The following DPP10 variants were observed in gnomAD, a reference collection of about 807,000 sequenced individuals.
DPP10 encodes inactive dipeptidyl peptidase 10.
Under a neutral mutation model 120.9 loss-of-function variants are expected in DPP10, and 33 were observed. The ratio of observed to expected loss-of-function variants is 0.27; its 90% CI spans 0.21 to 0.37. DPP10 has a LOEUF of 0.37. Ranked by LOEUF, DPP10 falls within the 10% of genes least tolerant of loss-of-function variation. DPP10 has a pLI of 1.00. For synonymous variants in DPP10, 337 were observed against 326.1 expected (o/e 1.03, Z -0.36); for missense variants, 816 against 942.8 (o/e 0.87, Z 1.76).
At position 114,895,853 on chromosome 2, in the gene DPP10, G is replaced by A. The variant is rs370221669; in HGVS notation, c.61-413386G>A. On this transcript the variant is annotated intron_variant, in intron 1 of 25. Transcript: ENST00000410059. ...ATCTCTGAATTTTCTTTTCTTTGCT[G>A]TAAAACTCCTATTATAAAAGTTGTA... Among the ~76,000 whole-genome samples, 39 of 152,210 alleles carry A rather than the reference G, an allele frequency of 2.6e-4. 1 individual carries two copies. The East Asian group carries it at 6.8e-3, about 26-fold the overall frequency.
intron 1 of DPP10, among the ~76,000 whole-genome samples, chr2:114,532,294 T>TACACACACACACAC (rs1445405855): frequency 1.5e-5 from 1 of 65,932 alleles, no homozygotes; most frequent in African/African-American, 6.3e-5. Flanking sequence ...TATATATATA[T>TACACACACACACAC]ATACACACAC....
intron 3 of DPP10, among the ~76,000 whole-genome samples, chr2:115,488,869 T>A (rs1271009698): frequency 1.6e-5 from 1 of 62,616 alleles, no homozygotes; most frequent in Non-Finnish European, 3.7e-5. Flanking sequence ...ACCCTAAAAC[T>A]TAGAGTATAA....
intron 1 of DPP10, among the ~76,000 whole-genome samples, chr2:114,936,164 C>G (rs115389278): frequency 6.6e-6 from 1 of 151,930 alleles, no homozygotes; most frequent in Non-Finnish European, 1.5e-5. Flanking sequence ...CCCAAGTCCC[C>G]GAAGTCCATT....
chr2:115,121,862 G>A (rs1417436142), intron 1 of DPP10, among the ~76,000 whole-genome samples: 2 of 152,182 alleles, frequency 1.3e-5, no homozygotes, highest in Non-Finnish European at 2.9e-5. Flanking sequence ...ACTGGGTCCT[G>A]AGGCTGACTT....
chr2:115,527,117 T>A (rs994500282), intron 5 of DPP10, among the ~76,000 whole-genome samples: 1 of 152,066 alleles, frequency 6.6e-6, no homozygotes, highest in Non-Finnish European at 1.5e-5. Context: ...CATGAACTTT[T>A]AAAAAATCAG....
At chr2:114,630,356 G>A (rs964812793) in intron 1 of DPP10, among the ~76,000 whole-genome samples, 1 of 152,074 alleles carries the variant, frequency 6.6e-6, no homozygotes, top group African/African-American at 2.4e-5. Flanking sequence ...TTTTTATTCT[G>A]TCCAGTTCAG....
chr2:114,561,090 C>T (rs922832059), intron 1 of DPP10, among the ~76,000 whole-genome samples: 2 of 152,144 alleles, frequency 1.3e-5, no homozygotes, highest in Admixed American at 6.5e-5. Flanking sequence ...CCCTCCACAC[C>T]AGCTCCGTCC....
At chr2:115,187,049 T>A (rs925471530) in intron 1 of DPP10, among the ~76,000 whole-genome samples, 6 of 118,442 alleles carry the variant, frequency 5.1e-5, no homozygotes, top group African/African-American at 1.9e-4. Context: ...TTTTTTTTTT[T>A]TTTTTTGAGA....
intron 1 of DPP10, among the ~76,000 whole-genome samples, chr2:115,285,967 C>G (rs1347227639): frequency 6.6e-6 from 1 of 151,970 alleles, no homozygotes; most frequent in East Asian, 1.9e-4. Flanking sequence ...TTTATGCATG[C>G]TGTAGTTAGG....
At chr2:115,576,544 G>C (rs764451338) in intron 5 of DPP10, among the ~76,000 whole-genome samples, 1 of 152,098 alleles carries the variant, frequency 6.6e-6, no homozygotes, top group Non-Finnish European at 1.5e-5. Context: ...TGAAATGTAG[G>C]GACTCCAGTT....
chr2:114,539,399 A>T (rs1686778061), intron 1 of DPP10, among the ~76,000 whole-genome samples: 1 of 152,012 alleles, frequency 6.6e-6, no homozygotes, highest in Non-Finnish European at 1.5e-5. Flanking sequence ...CCTTCCTATC[A>T]TCTTAAGATA....
At chr2:115,573,537 C>T (rs562928864) in intron 5 of DPP10, among the ~76,000 whole-genome samples, 144 of 150,760 alleles carry the variant, frequency 9.6e-4, no homozygotes, top group African/African-American at 3.4e-3. Flanking sequence ...CCACCTCGGC[C>T]TCCCAAAGTT....
intron 5 of DPP10, among the ~76,000 whole-genome samples, chr2:115,529,243 C>T (rs2078317058): frequency 6.6e-6 from 1 of 151,840 alleles, no homozygotes; most frequent in African/African-American, 2.4e-5. Context: ...GATCTCTGCT[C>T]ACTGCAACCT....
At chr2:115,145,033 GA>G (rs1285759752) in intron 1 of DPP10, 1 of 151,820 alleles carries the variant, frequency 6.6e-6, no homozygotes, top group African/African-American at 2.4e-5. Context: ...CATCCCTGAG[GA>G]AACAGGAAGA....
At chr2:115,492,097 A>G (rs921039221) in intron 3 of DPP10, among the ~76,000 whole-genome samples, 2 of 152,146 alleles carry the variant, frequency 1.3e-5, no homozygotes, top group Admixed American at 6.6e-5. Context: ...GTACATATAT[A>G]TATATGATCG....
chr2:115,385,499 G>A (rs1198797721), intron 3 of DPP10, among the ~76,000 whole-genome samples: 1 of 152,046 alleles, frequency 6.6e-6, no homozygotes, highest in Non-Finnish European at 1.5e-5. Flanking sequence ...GGGATTACAG[G>A]CGCCCGCCAC....
intron 1 of DPP10, among the ~76,000 whole-genome samples, chr2:114,730,134 GA>G (rs111755933): frequency 4.0e-5 from 6 of 148,556 alleles, no homozygotes; most frequent in Middle Eastern, 3.5e-3. Flanking sequence ...TGTCCAAACA[GA>G]AAAAAAAAAT....
intron 1 of DPP10, among the ~76,000 whole-genome samples, chr2:114,812,362 G>A (rs1297517884): frequency 1.3e-5 from 2 of 152,112 alleles, no homozygotes; most frequent in African/African-American, 2.4e-5. Flanking sequence ...AGCGCTTTGG[G>A]AGGCCAAAGT....
At chr2:115,664,712 C>G (rs6716548) in intron 5 of DPP10, among the ~76,000 whole-genome samples, 96,072 of 151,944 alleles carry the variant, frequency 0.63, 32,569 homozygotes, top group East Asian at 0.92. Context: ...TCTCTTACCC[C>G]AACTGGGTTC....
Sources: gnomAD v4.1 joint callset for allele counts (sites outside exome capture counted in the v4.1 genomes callset) on GRCh38, gnomAD v4.1.1 for gene constraint, MANE v1.5 for transcripts, NCBI Gene and HGNC (gene_info 2026-07-23, HGNC 2026-07-21) for gene names.